NUP93: variants seen among roughly 807,000 people sequenced by gnomAD.
NUP93 encodes nuclear pore complex protein Nup93.
Under a neutral mutation model 107.8 loss-of-function variants are expected in NUP93, and 55 were observed. The observed-to-expected ratio is 0.51, with a 90% confidence interval of 0.41 to 0.64. NUP93 has a LOEUF of 0.64. Ranked by LOEUF, NUP93 falls within the 30% of genes least tolerant of loss-of-function variation. The pLI is 0.00. For missense variants in NUP93, 937 were observed against 1,044.7 expected, an observed-to-expected ratio of 0.90 and a Z score of 1.42; for synonymous variants, 390 against 397.5, an observed-to-expected ratio of 0.98 and a Z score of 0.22.
At chr16:56,739,747 C>G (rs1365514838) in intron 1 of NUP93, among the ~76,000 whole-genome samples, 75 of 106,388 alleles carry the variant, frequency 7.0e-4, no homozygotes, top group South Asian at 2.2e-3. Flanking sequence ...CCCTCCCGGA[C>G]GGGGCGGCTG....
At chr16:56,746,299 G>A (rs946491835) in intron 1 of NUP93, among the ~76,000 whole-genome samples, 25 of 152,232 alleles carry the variant, frequency 1.6e-4, no homozygotes, top group East Asian at 7.7e-4. Context: ...CTATCAGGCC[G>A]GAGTAGTTGT....
At chr16:56,815,379 T>A (rs1190184082) in intron 5 of NUP93, among the ~76,000 whole-genome samples, 1 of 152,112 alleles carries the variant, frequency 6.6e-6, no homozygotes, top group African/African-American at 2.4e-5. Context: ...ATAGTGTTAA[T>A]AGGAAGACTC....
intron 3 of NUP93, among the ~76,000 whole-genome samples, chr16:56,778,577 G>A (rs1397530805): frequency 6.6e-6 from 1 of 152,204 alleles, no homozygotes; most frequent in African/African-American, 2.4e-5. Context: ...AGAGGAAAAA[G>A]ATGTGTGAGG....
chr16:56,782,420 A>G (rs1962534229), intron 3 of NUP93: 1 of 166,648 alleles, frequency 6.0e-6, no homozygotes, highest in Admixed American at 6.5e-5. Context: ...CCATTCTAAT[A>G]TTTTTTCTTT....
chr16:56,740,110 G>C (rs1961695300), intron 1 of NUP93, among the ~76,000 whole-genome samples: 1 of 139,728 alleles, frequency 7.2e-6, no homozygotes, highest in Non-Finnish European at 1.5e-5. Flanking sequence ...CGGGGCGGCT[G>C]GCCAGGCGGG....
intron 3 of NUP93, among the ~76,000 whole-genome samples, chr16:56,778,591 A>G (rs1776352731): frequency 6.6e-6 from 1 of 152,192 alleles, no homozygotes; most frequent in South Asian, 2.1e-4. Context: ...TGTGAGGGAC[A>G]TTTGGGATAA....
intron 3 of NUP93, among the ~76,000 whole-genome samples, chr16:56,765,885 T>G (rs1962208033): frequency 6.6e-6 from 1 of 152,202 alleles, no homozygotes; most frequent in East Asian, 1.9e-4. Flanking sequence ...TGATTTAATT[T>G]TTCTGCCTGT....
chr16:56,733,736 T>C (rs1175429590), intron 1 of NUP93, among the ~76,000 whole-genome samples: 1 of 152,172 alleles, frequency 6.6e-6, no homozygotes. Context: ...TTTGATAGAT[T>C]AGAGTCCTCC....
At chr16:56,821,777 G>C (rs1463712426) in intron 7 of NUP93, among the ~76,000 whole-genome samples, 184 bp downstream of exon 7, 2 of 151,944 alleles carry the variant, frequency 1.3e-5, no homozygotes, top group Admixed American at 1.3e-4. Flanking sequence ...TTTTAAAAAT[G>C]CATCTTCAAA....
intron 3 of NUP93, chr16:56,781,894 C>T (rs561263900): frequency 1.3e-4 from 126 of 985,374 alleles, no homozygotes; most frequent in African/African-American, 7.0e-4. Flanking sequence ...TAGCGCACAA[C>T]GAATGGTGAT....
At chr16:56,827,517 A>G (rs992305961) in intron 8 of NUP93, among the ~76,000 whole-genome samples, 13 of 152,246 alleles carry the variant, frequency 8.5e-5, no homozygotes, top group African/African-American at 3.1e-4. Context: ...AATCTGGTGG[A>G]CATCTTTCAA....
chr16:56,814,158 G>C (rs1178692067), intron 5 of NUP93, among the ~76,000 whole-genome samples: 1 of 152,036 alleles, frequency 6.6e-6, no homozygotes, highest in Non-Finnish European at 1.5e-5. Context: ...ATTTTGCTAG[G>C]AGTGCTAGTT....
Position 56,844,558 on chromosome 16 carries a change from G to T in NUP93, c.2409G>T (p.Thr803=), listed in dbSNP as rs762292902. The T allele has an allele frequency of 6.3e-7, 1 of 1,584,680 alleles. No individual in the cohort carries two copies. The highest frequency in any genetic ancestry group is 8.6e-7 in the Non-Finnish European group (1 of 1,166,068). ...ITFAGMIPYR[T]SGDTNARLVQ... is the part of the protein sequence containing the mutation. ...TTGCTGGAATGATACCATACCGAACGTCTGGGGACACCAATGCGAGGCTGG... is the reference window on the plus strand; with the variant it reads ...TTGCTGGAATGATACCATACCGAACTTCTGGGGACACCAATGCGAGGCTGG... The change falls in exon 22 of 22, where the codon ACG becomes ACT. Residue 803 remains threonine, a synonymous_variant. Transcript: ENST00000308159.
chr16:56,844,781 CTTTTA>C lies in NUP93; in HGVS notation c.*177_*181del, dbSNP rs1482521847. 14 of 336,630 alleles carry C rather than the reference CTTTTA, an allele frequency of 4.2e-5. No individual in the cohort carries two copies. The highest frequency in any genetic ancestry group is 5.3e-5 in the Non-Finnish European group (11 of 208,766). 20.9% of individuals were successfully genotyped at this position (336,630 alleles called of 1,614,324 possible). A position where few individuals can be genotyped will look rare whatever the true frequency, so the allele number is the denominator to read the frequency against. Reference sequence around the variant, plus strand: ...TTGATTTGTATTTCTTTTCAACATTCTTTTATTTTCTTTTTTTTTTTCTTTGAAAT... The same window carrying C: ...TTGATTTGTATTTCTTTTCAACATTCTTTTCTTTTTTTTTTTCTTTGAAAT... On this transcript the variant is annotated 3_prime_UTR_variant, in exon 22 of 22. Coordinates refer to ENST00000308159, the MANE Select transcript of NUP93 (RefSeq NM_014669.5).
intron 3 of NUP93, among the ~76,000 whole-genome samples, chr16:56,784,315 C>T (rs1253639820): frequency 1.3e-5 from 2 of 152,004 alleles, no homozygotes; most frequent in African/African-American, 4.8e-5. Context: ...AAAATGCTTC[C>T]GGGTTAATGA....
rs536579546 is a variant in NUP93 at position 56,797,521 on chromosome 16, T to C, written c.298-955T>C. Among the ~76,000 whole-genome samples the C allele has an allele frequency of 6.6e-5, 10 of 152,306 alleles. No homozygotes were observed. In the South Asian group the frequency reaches 1.9e-3, roughly 28 times the overall value. ...GTATATCTGTCTGTCTGTCTGCAACTGTGGCTATCAGAATAATGTCTCAGC... is the reference window on the plus strand; with the variant it reads ...GTATATCTGTCTGTCTGTCTGCAACCGTGGCTATCAGAATAATGTCTCAGC... On this transcript the variant is annotated intron_variant, in intron 3 of 21. Coordinates refer to ENST00000308159, the MANE Select transcript of NUP93 (RefSeq NM_014669.5).
At chr16:56,776,841 T>G (rs1962424380) in intron 3 of NUP93, among the ~76,000 whole-genome samples, 1 of 152,256 alleles carries the variant, frequency 6.6e-6, no homozygotes, top group Admixed American at 6.5e-5. Context: ...AACCTGAGTT[T>G]GAGTCTCTTT....
At position 56,739,569 on chromosome 16, in the gene NUP93, G is replaced by A. The variant is rs1289637305; in HGVS notation, c.-14-8665G>A. ...TCCCGGACGGGGCGGCTGGCCGGGC[G>A]GGGGGCTGACCCCCCCACCTCCCTC... On this transcript the variant is annotated intron_variant, in intron 1 of 21. Transcript: ENST00000308159. Among the ~76,000 whole-genome samples the A allele has an allele frequency of 8.5e-4, 86 of 100,758 alleles. 1 individual carries two copies. Among genetic ancestry groups the A allele is most frequent in the African/African-American group, 3.2e-3 (76 of 23,438 alleles). The allele number at this position is 100,758 out of a possible 152,430, so 66.1% of individuals were successfully genotyped here. A position where few individuals can be genotyped will look rare whatever the true frequency, so the allele number is the denominator to read the frequency against.
intron 3 of NUP93, among the ~76,000 whole-genome samples, chr16:56,791,596 A>C (rs1222230957): frequency 6.6e-6 from 1 of 152,246 alleles, no homozygotes; most frequent in African/African-American, 2.4e-5. Context: ...TCTGAAACCC[A>C]GAGTTTGCAT....
Sources: gnomAD v4.1 joint callset for allele counts (sites outside exome capture counted in the v4.1 genomes callset) on GRCh38, gnomAD v4.1.1 for gene constraint, MANE v1.5 for transcripts, NCBI Gene and HGNC (gene_info 2026-07-23, HGNC 2026-07-21) for gene names.